The following HIBADH variants were observed in gnomAD, a reference collection of about 807,000 sequenced individuals.
The protein encoded by HIBADH is 3-hydroxyisobutyrate dehydrogenase, mitochondrial.
Under a neutral mutation model 36.1 loss-of-function variants are expected in HIBADH, and 25 were observed. That is an observed-to-expected ratio of 0.69 (90% CI 0.50 to 0.97). The LOEUF (loss-of-function observed/expected upper bound fraction) is 0.97, where lower values mean the gene tolerates loss of function less well. Among genes scored for constraint, HIBADH ranks in the 50% least tolerant of loss-of-function variants. The pLI, the probability that HIBADH is intolerant of heterozygous loss-of-function variation, is 0.00. For synonymous variants in HIBADH, 160 were observed against 149.5 expected (o/e 1.07, Z -0.51); for missense variants, 421 against 418.0 (o/e 1.01, Z -0.06).
At chr7:27,575,028 T>C (rs777373207) in intron 4 of HIBADH, among the ~76,000 whole-genome samples, 16 of 152,330 alleles carry the variant, frequency 1.1e-4, no homozygotes, top group Non-Finnish European at 2.2e-4. Flanking sequence ...ATCTTATCTT[T>C]TGTAGATGAG....
At chr7:27,642,335 T>C (rs951342688) in intron 2 of HIBADH, among the ~76,000 whole-genome samples, 3 of 152,194 alleles carry the variant, frequency 2.0e-5, no homozygotes, top group African/African-American at 7.2e-5. Context: ...ATTTTTTTCT[T>C]CCTCAAAAAT....
chr7:27,654,552 T>C (rs73289990), intron 1 of HIBADH, among the ~76,000 whole-genome samples: 3,315 of 152,176 alleles, frequency 0.022, 118 homozygotes, highest in African/African-American at 0.075. Context: ...AAGACAGTGG[T>C]GCAACATTTT....
intron 4 of HIBADH, among the ~76,000 whole-genome samples, chr7:27,611,498 G>GCA (rs766200602): frequency 3.3e-5 from 4 of 122,892 alleles, no homozygotes; most frequent in African/African-American, 1.2e-4. Context: ...GTGTGTGCGC[G>GCA]CACACACACA....
Position 27,543,108 on chromosome 7 carries a change from A to G in HIBADH, c.485-8T>C, listed in dbSNP as rs199960454. On this transcript the variant is annotated splice_polypyrimidine_tract_variant and splice_region_variant and intron_variant, in intron 4 of 7. Coordinates refer to ENST00000265395, the MANE Select transcript of HIBADH (RefSeq NM_152740.4). Reference sequence around the variant, plus strand: ...ATCGTGCAGCTCCTACACCTGAATCATTTGGGGGTAAAGGGATAGAAGCAA... The same window carrying G: ...ATCGTGCAGCTCCTACACCTGAATCGTTTGGGGGTAAAGGGATAGAAGCAA... The G allele has an allele frequency of 3.1e-6, 5 of 1,613,364 alleles. No homozygotes were observed. The East Asian group carries it at 1.1e-4, about 36-fold the overall frequency.
chr7:27,552,998 A>G (rs1048625465), intron 4 of HIBADH, among the ~76,000 whole-genome samples: 2 of 152,214 alleles, frequency 1.3e-5, no homozygotes, highest in Non-Finnish European at 1.5e-5. Context: ...CTCTTTTTTT[A>G]GAAGAGATAC....
At chr7:27,645,414 G>A (rs1786050723) in intron 2 of HIBADH, among the ~76,000 whole-genome samples, 1 of 98,480 alleles carries the variant, frequency 1.0e-5, no homozygotes, top group Admixed American at 1.6e-4. Flanking sequence ...GTCTTACTCT[G>A]TCGCCCAGGC....
intron 4 of HIBADH, among the ~76,000 whole-genome samples, chr7:27,626,494 T>C (rs1470756459): frequency 6.6e-6 from 1 of 152,166 alleles, no homozygotes; most frequent in African/African-American, 2.4e-5. Context: ...ACAGGAGCCA[T>C]TACACAGTGG....
At chr7:27,619,954 G>A (rs1202271985) in intron 4 of HIBADH, among the ~76,000 whole-genome samples, 1 of 152,108 alleles carries the variant, frequency 6.6e-6, no homozygotes, top group Non-Finnish European at 1.5e-5. Flanking sequence ...TTCAGATACA[G>A]GAGGTTCACC....
At chr7:27,527,509 C>T (rs551248162) in intron 7 of HIBADH, among the ~76,000 whole-genome samples, 2 of 152,226 alleles carry the variant, frequency 1.3e-5, no homozygotes, top group South Asian at 4.1e-4. Context: ...GAGAGTAAGC[C>T]AAGTATGGGC....
chr7:27,584,142 A>G (rs1277991857), intron 4 of HIBADH, among the ~76,000 whole-genome samples: 7 of 152,028 alleles, frequency 4.6e-5, no homozygotes, highest in Non-Finnish European at 1.0e-4. Context: ...TCCTTCTTTT[A>G]TATTAAACCC....
At chr7:27,563,619 A>G (rs1784499106) in intron 4 of HIBADH, among the ~76,000 whole-genome samples, 1 of 152,144 alleles carries the variant, frequency 6.6e-6, no homozygotes, top group African/African-American at 2.4e-5. Context: ...CTGGTATTTC[A>G]CTGTGGTTTT....
chr7:27,642,455 T>G (rs1380904947), intron 2 of HIBADH, among the ~76,000 whole-genome samples: 2 of 152,176 alleles, frequency 1.3e-5, no homozygotes, highest in Non-Finnish European at 2.9e-5. Context: ...ACTCAACCTG[T>G]TTTATTTCCC....
Position 27,662,798 on chromosome 7 carries a change from GC to G in HIBADH, c.-11del. The G allele has an allele frequency of 6.8e-7, 1 of 1,468,934 alleles. No homozygotes were observed. Among genetic ancestry groups the G allele is most frequent in the Non-Finnish European group, 9.0e-7 (1 of 1,107,956 alleles). 91.0% of individuals were successfully genotyped at this position (1,468,934 alleles called of 1,614,324 possible). On this transcript the variant is annotated 5_prime_UTR_variant, in exon 1 of 8. Coordinates refer to ENST00000265395, the MANE Select transcript of HIBADH (RefSeq NM_152740.4). Reference sequence around the variant, plus strand: ...GTAAGGAGGCTGCCATGCTGCGCCCGCCCCTCTCCCCGCGGTGACCTCCGCC... The same window carrying G: ...GTAAGGAGGCTGCCATGCTGCGCCCGCCCTCTCCCCGCGGTGACCTCCGCC...
intron 2 of HIBADH, among the ~76,000 whole-genome samples, chr7:27,644,248 G>A (rs1053672870): frequency 1.3e-5 from 2 of 151,702 alleles, no homozygotes; most frequent in Admixed American, 6.6e-5. Context: ...GGCAGATCAC[G>A]AGGTCAAGAG....
intron 1 of HIBADH, 25 bp from the exon 2 acceptor site, chr7:27,649,658 T>C (rs1554301247): frequency 4.0e-6 from 6 of 1,510,248 alleles, no homozygotes; most frequent in South Asian, 1.3e-5. Context: ...TTATTTTCAA[T>C]AGGGGCAAAT....
rs531796865 is a variant in HIBADH at position 27,564,000 on chromosome 7, G to A, written c.485-20900C>T. Among the ~76,000 whole-genome samples the A allele has an allele frequency of 3.4e-3, 502 of 149,306 alleles. 2 individuals carry two copies. Among genetic ancestry groups the A allele is most frequent in the African/African-American group, 0.012 (475 of 40,406 alleles). ...TGTAAGCTCTGCCTCCCGGATTCAC[G>A]CCATTCTCCTGCCTCAGCCTCCCAA... is the stretch of plus-strand genomic sequence containing the variant. On this transcript the variant is annotated intron_variant, in intron 4 of 7. Coordinates refer to ENST00000265395, the MANE Select transcript of HIBADH (RefSeq NM_152740.4).
chr7:27,569,351 GTTCT>G (rs1457207171), intron 4 of HIBADH, among the ~76,000 whole-genome samples: 1 of 152,040 alleles, frequency 6.6e-6, no homozygotes, highest in Non-Finnish European at 1.5e-5. Context: ...GACTTTCCTG[GTTCT>G]TTTTGTGTCA....
At position 27,662,829 on chromosome 7, in the gene HIBADH, C is replaced by A; in HGVS notation, c.-41G>T. On this transcript the variant is annotated 5_prime_UTR_variant, in exon 1 of 8. Transcript: ENST00000265395. ...CTCCCCGCGGTGACCTCCGCCGCCT[C>A]CCGGAGGGCCCACAGACTGCGAGCG... 1 of 1,404,804 alleles carries A rather than the reference C, an allele frequency of 7.1e-7. No individual in the cohort carries two copies. Among genetic ancestry groups the A allele is most frequent in the Non-Finnish European group, 9.5e-7 (1 of 1,056,870 alleles). The allele number at this position is 1,404,804 out of a possible 1,614,324, so 87.0% of individuals were successfully genotyped here. A position where few individuals can be genotyped will look rare whatever the true frequency, so the allele number is the denominator to read the frequency against.
chr7:27,612,909 T>C (rs1234540959), intron 4 of HIBADH, among the ~76,000 whole-genome samples: 1 of 145,068 alleles, frequency 6.9e-6, no homozygotes, highest in Non-Finnish European at 1.5e-5. Context: ...ATTGCATCAC[T>C]GCACTCCAGC....
Sources: allele counts gnomAD v4.1 joint callset (sites outside exome capture counted in the v4.1 genomes callset), GRCh38; gene constraint gnomAD v4.1.1; transcripts MANE v1.5; gene names NCBI Gene and HGNC (gene_info 2026-07-23, HGNC 2026-07-21).